Variants in TASP1 observed in about 807,000 individuals in gnomAD.
The protein encoded by TASP1 is taspase 1, also known as threonine aspartase 1.
In TASP1, 16 loss-of-function variants were observed where a neutral mutation model predicts 56.6. The ratio of observed to expected loss-of-function variants is 0.28; its 90% CI spans 0.19 to 0.43. TASP1 has a LOEUF of 0.43. Among genes scored for constraint, TASP1 ranks in the 20% least tolerant of loss-of-function variants. The pLI, the probability that TASP1 is intolerant of heterozygous loss-of-function variation, is 1.00. For synonymous variants in TASP1, 179 were observed against 184.2 expected (o/e 0.97, Z 0.23); for missense variants, 393 against 511.6 (o/e 0.77, Z 2.24).
At chr20:13,221,669 G>A in the TASP1 span, 11 of 986,818 alleles carry the variant, frequency 1.1e-5, no homozygotes, top group South Asian at 4.4e-4. Context: ...GGGAGCCGAG[G>A]CGGGAGCCGC....
the TASP1 span, among the ~76,000 whole-genome samples, chr20:13,207,520 T>C: frequency 9.2e-3 from 1,396 of 152,320 alleles, 20 homozygotes; most frequent in African/African-American, 0.032. Context: ...CGTCCTGCAA[T>C]CTGCCATGTG....
the TASP1 span, chr20:13,153,874 C>G: frequency 8.2e-7 from 1 of 1,224,740 alleles, no homozygotes; most frequent in South Asian, 1.4e-5. Context: ...TATCTCCCTT[C>G]CCTACTTCCT....
chr20:13,622,078 G>T (rs1355941790), intron 4 of TASP1, among the ~76,000 whole-genome samples: 2 of 152,090 alleles, frequency 1.3e-5, no homozygotes, highest in Non-Finnish European at 2.9e-5. Flanking sequence ...GTCATTAATA[G>T]TTGCCATAAA....
the TASP1 span, chr20:13,244,225 C>T: frequency 6.6e-6 from 1 of 152,134 alleles, no homozygotes; most frequent in Admixed American, 6.5e-5. Flanking sequence ...CAAGGTCAAA[C>T]TAAAAGTCTA....
intron 7 of TASP1, among the ~76,000 whole-genome samples, chr20:13,559,399 T>G (rs2046268462): frequency 6.6e-6 from 1 of 152,090 alleles, no homozygotes; most frequent in African/African-American, 2.4e-5. Flanking sequence ...AACTGTCGTT[T>G]TAAAGGTCTC....
At chr20:13,465,979 CAT>C (rs1465549775) in intron 11 of TASP1, among the ~76,000 whole-genome samples, 1 of 152,084 alleles carries the variant, frequency 6.6e-6, no homozygotes, top group African/African-American at 2.4e-5. Flanking sequence ...ACTAAATACA[CAT>C]ACACACATGC....
chr20:13,282,942 T>C, the TASP1 span, among the ~76,000 whole-genome samples: 4 of 152,348 alleles, frequency 2.6e-5, no homozygotes, highest in Admixed American at 6.5e-5. Flanking sequence ...TGAGTGATCA[T>C]TGCTTCCCAG....
the TASP1 span, among the ~76,000 whole-genome samples, chr20:13,328,980 A>T: frequency 9.9e-5 from 15 of 152,240 alleles, no homozygotes; most frequent in African/African-American, 3.6e-4. Context: ...TAAAAAGTTT[A>T]AAAAATTAAA....
At chr20:13,440,982 C>T (rs1198394007) in intron 11 of TASP1, among the ~76,000 whole-genome samples, 1 of 152,176 alleles carries the variant, frequency 6.6e-6, no homozygotes, top group Non-Finnish European at 1.5e-5. Flanking sequence ...AACATGGCAC[C>T]TCTACAACTG....
At chr20:13,600,883 A>T (rs1448387375) in intron 4 of TASP1, among the ~76,000 whole-genome samples, 4 of 152,200 alleles carry the variant, frequency 2.6e-5, no homozygotes, top group Non-Finnish European at 5.9e-5. Context: ...CAACGAGCAC[A>T]TCTAGGAACC....
the TASP1 span, among the ~76,000 whole-genome samples, chr20:13,346,338 C>G: frequency 6.6e-6 from 1 of 152,172 alleles, no homozygotes; most frequent in Non-Finnish European, 1.5e-5. Context: ...ATAAAAATGT[C>G]AACACCTGGA....
the TASP1 span, among the ~76,000 whole-genome samples, chr20:13,381,936 A>C: frequency 6.6e-6 from 1 of 152,202 alleles, no homozygotes; most frequent in African/African-American, 2.4e-5. Flanking sequence ...CTGTCTATGA[A>C]TAAGTGATGG....
At chr20:13,311,604 T>C in the TASP1 span, among the ~76,000 whole-genome samples, 1 of 152,194 alleles carries the variant, frequency 6.6e-6, no homozygotes, top group Non-Finnish European at 1.5e-5. Context: ...CTAGTCAGCT[T>C]TTAAAAAGGA....
chr20:13,459,040 T>C (rs932843423), intron 11 of TASP1, among the ~76,000 whole-genome samples: 3 of 152,150 alleles, frequency 2.0e-5, no homozygotes, highest in African/African-American at 7.2e-5. Flanking sequence ...TAGCAGTTCA[T>C]CTACTGGCCC....
chr20:13,431,042 A>G (rs2042788019), intron 12 of TASP1, among the ~76,000 whole-genome samples: 1 of 152,196 alleles, frequency 6.6e-6, no homozygotes, highest in African/African-American at 2.4e-5. Context: ...AAGAAAGTGG[A>G]CACAGAAAAG....
At chr20:13,113,252 T>C in the TASP1 span, among the ~76,000 whole-genome samples, 1 of 152,140 alleles carries the variant, frequency 6.6e-6, no homozygotes, top group Non-Finnish European at 1.5e-5. Flanking sequence ...GTGAAGTCAA[T>C]AGTTCACAAA....
chr20:13,618,501 T>C (rs2048600701), intron 4 of TASP1, among the ~76,000 whole-genome samples: 1 of 152,184 alleles, frequency 6.6e-6, no homozygotes, highest in African/African-American at 2.4e-5. Context: ...ATACCTACTT[T>C]CTTTCTCTTA....
chr20:13,481,564 T>G (rs769509844), intron 11 of TASP1, among the ~76,000 whole-genome samples: 16 of 152,300 alleles, frequency 1.1e-4, no homozygotes, highest in Admixed American at 5.9e-4. Flanking sequence ...CTCTTTTCTC[T>G]GCATCTTCAC....
chr20:13,589,109 G>A (rs373104506), intron 4 of TASP1, among the ~76,000 whole-genome samples: 4 of 149,208 alleles, frequency 2.7e-5, no homozygotes, highest in African/African-American at 9.9e-5. Context: ...GCAGGCTGGA[G>A]TGCAGTGGTG....
Sources: gnomAD v4.1 joint callset for allele counts (sites outside exome capture counted in the v4.1 genomes callset) on GRCh38, gnomAD v4.1.1 for gene constraint, MANE v1.5 for transcripts, NCBI Gene and HGNC (gene_info 2026-07-23, HGNC 2026-07-21) for gene names.